KLF12: variants seen among roughly 807,000 people sequenced by gnomAD.
The protein encoded by KLF12 is Krueppel-like factor 12.
A neutral mutation model predicts 37.8 loss-of-function variants in KLF12; 9 were observed. That is an observed-to-expected ratio of 0.24 (90% CI 0.14 to 0.42). The LOEUF (loss-of-function observed/expected upper bound fraction) is 0.42. Among genes scored for constraint, KLF12 ranks in the 10% least tolerant of loss-of-function variants. The pLI, the probability that KLF12 is intolerant of heterozygous loss-of-function variation, is 1.00. For synonymous variants in KLF12, 208 were observed against 202.1 expected, an observed-to-expected ratio of 1.03 and a Z score of -0.25; for missense variants, 411 against 516.0, an observed-to-expected ratio of 0.80 and a Z score of 1.97.
intron 1 of KLF12, among the ~76,000 whole-genome samples, chr13:74,078,283 TCA>T (rs918178551): frequency 6.6e-6 from 1 of 152,222 alleles, no homozygotes; most frequent in African/African-American, 2.4e-5. Context: ...TCATAAATTG[TCA>T]CAGTGAAGCT....
At chr13:73,863,318 T>C (rs1308751746) in intron 3 of KLF12, among the ~76,000 whole-genome samples, 4 of 152,118 alleles carry the variant, frequency 2.6e-5, no homozygotes, top group African/African-American at 9.6e-5. Context: ...AGCAGTATTG[T>C]AGAGGTGTTA....
the KLF12 span, among the ~76,000 whole-genome samples, chr13:74,263,961 A>C: frequency 2.6e-5 from 4 of 152,140 alleles, no homozygotes; most frequent in African/African-American, 4.8e-5. Context: ...ATCTTGACTA[A>C]TATGAAAGTT....
the KLF12 span, among the ~76,000 whole-genome samples, chr13:74,271,437 A>T: frequency 6.6e-6 from 1 of 152,194 alleles, no homozygotes; most frequent in Non-Finnish European, 1.5e-5. Context: ...ACCAATAGAC[A>T]GTAAAAAAGT....
rs755057199 is a variant in KLF12 at position 73,846,324 on chromosome 13, A to T, written c.173T>A (p.Leu58Gln). The T allele has an allele frequency of 3.1e-6, 5 of 1,613,944 alleles. No individual in the cohort carries two copies. The South Asian group carries it at 5.5e-5, about 18-fold the overall frequency. Reference sequence around the variant, plus strand: ...CGGGGGCTCCCCTTTCACATTATTTAGCAACAGGGGAACGGCTTCCATATC... The same window carrying T: ...CGGGGGCTCCCCTTTCACATTATTTTGCAACAGGGGAACGGCTTCCATATC... Residue 58 changes from leucine to glutamine, a missense_variant, in exon 4 of 8, where the codon CTA becomes CAA. Transcript: ENST00000377669.
the KLF12 span, among the ~76,000 whole-genome samples, chr13:74,217,541 A>G: frequency 2.6e-5 from 4 of 152,190 alleles, no homozygotes; most frequent in Non-Finnish European, 1.5e-5. Context: ...AGCCTGGCCA[A>G]CATGGTGAAA....
chr13:74,042,343 T>C (rs1010391793), intron 1 of KLF12, among the ~76,000 whole-genome samples: 1 of 151,202 alleles, frequency 6.6e-6, no homozygotes, highest in Non-Finnish European at 1.5e-5. Flanking sequence ...TACTGGCCAC[T>C]GGCTACTGGC....
At chr13:74,273,636 AC>A in the KLF12 span, among the ~76,000 whole-genome samples, 7 of 152,104 alleles carry the variant, frequency 4.6e-5, no homozygotes, top group Non-Finnish European at 1.0e-4. Flanking sequence ...ATCATAATAA[AC>A]CTGAATGAGT....
At chr13:74,086,178 T>C (rs1176231996) in intron 1 of KLF12, among the ~76,000 whole-genome samples, 1 of 151,752 alleles carries the variant, frequency 6.6e-6, no homozygotes, top group Non-Finnish European at 1.5e-5. Flanking sequence ...TGCAGGTTAG[T>C]TACATATGTA....
chr13:74,302,961 T>A, the KLF12 span, among the ~76,000 whole-genome samples: 1 of 152,094 alleles, frequency 6.6e-6, no homozygotes, highest in Non-Finnish European at 1.5e-5. Context: ...CTTTAACTCA[T>A]TTTTTTAAAC....
upstream of KLF12, among the ~76,000 whole-genome samples, chr13:74,134,142 G>A (rs563483676): frequency 4.4e-5 from 5 of 113,900 alleles, no homozygotes; most frequent in Middle Eastern, 6.8e-3. Context: ...CGCAGCTCAG[G>A]AAACCGGAGA....
chr13:73,863,504 T>C (rs940534490), intron 3 of KLF12, among the ~76,000 whole-genome samples: 2 of 152,174 alleles, frequency 1.3e-5, no homozygotes, highest in East Asian at 3.8e-4. Flanking sequence ...AAATGCACAC[T>C]GCTTGACACA....
chr13:74,181,825 T>C, the KLF12 span, among the ~76,000 whole-genome samples: 3 of 152,112 alleles, frequency 2.0e-5, no homozygotes, highest in Admixed American at 6.5e-5. Context: ...ATCTTTGAAA[T>C]AATCTTGGAA....
At chr13:73,893,588 GC>G (rs1887618062) in intron 3 of KLF12, among the ~76,000 whole-genome samples, 1 of 151,868 alleles carries the variant, frequency 6.6e-6, no homozygotes, top group Admixed American at 6.6e-5. Flanking sequence ...CACCATGTTG[GC>G]CAGGCTGGTC....
At chr13:74,154,815 C>G in the KLF12 span, among the ~76,000 whole-genome samples, 1 of 152,164 alleles carries the variant, frequency 6.6e-6, no homozygotes, top group African/African-American at 2.4e-5. Flanking sequence ...TCCCAAGGTT[C>G]CCCTAGCCTA....
chr13:73,938,183 T>C (rs2325572), intron 3 of KLF12, among the ~76,000 whole-genome samples: 87,354 of 152,020 alleles, frequency 0.57, 25,294 homozygotes, highest in Admixed American at 0.65. Flanking sequence ...TGCCCTTTTT[T>C]CACTTCTGAT....
intron 2 of KLF12, among the ~76,000 whole-genome samples, chr13:73,965,518 C>T (rs1232213445): frequency 1.3e-5 from 2 of 152,098 alleles, no homozygotes; most frequent in African/African-American, 4.8e-5. Context: ...GGTGGGGAAT[C>T]TGGCTGTCAC....
chr13:73,871,201 C>T (rs759065313), intron 3 of KLF12, among the ~76,000 whole-genome samples: 4 of 152,056 alleles, frequency 2.6e-5, no homozygotes, highest in South Asian at 2.1e-4. Flanking sequence ...TACTAGTCTG[C>T]GGGGGAGGCA....
At chr13:73,789,058 C>CT (rs565396372) in intron 5 of KLF12, among the ~76,000 whole-genome samples, 3 of 152,050 alleles carry the variant, frequency 2.0e-5, no homozygotes, top group African/African-American at 4.8e-5. Flanking sequence ...CTGAGAATGA[C>CT]TTTTTTTTCA....
chr13:73,722,275 G>C (rs1876324850), intron 6 of KLF12, among the ~76,000 whole-genome samples: 1 of 152,108 alleles, frequency 6.6e-6, no homozygotes, highest in African/African-American at 2.4e-5. Flanking sequence ...CAGTTAATCA[G>C]GATTTACATA....
Sources: allele counts gnomAD v4.1 joint callset (sites outside exome capture counted in the v4.1 genomes callset), GRCh38; gene constraint gnomAD v4.1.1; transcripts MANE v1.5; gene names NCBI Gene and HGNC (gene_info 2026-07-23, HGNC 2026-07-21).